The following PTPRN2 variants were observed in gnomAD, a reference collection of about 807,000 sequenced individuals.
PTPRN2 encodes the protein receptor-type tyrosine-protein phosphatase N2.
Under a neutral mutation model 118.8 loss-of-function variants are expected in PTPRN2, and 74 were observed. That is an observed-to-expected ratio of 0.62 (90% CI 0.52 to 0.76). The LOEUF is 0.76. PTPRN2 is among the 30% of genes least tolerant of loss of function. PTPRN2 has a pLI of 0.00. For missense variants in PTPRN2, 1,481 were observed against 1,394.4 expected, an observed-to-expected ratio of 1.06 and a Z score of -0.99; for synonymous variants, 641 against 608.0, an observed-to-expected ratio of 1.05 and a Z score of -0.80.
intron 12 of PTPRN2, among the ~76,000 whole-genome samples, chr7:157,752,591 C>T (rs932421248): frequency 2.0e-5 from 3 of 152,240 alleles, no homozygotes; most frequent in Admixed American, 6.5e-5. Flanking sequence ...CCATCCTCGT[C>T]TTATCAAATC....
At chr7:158,257,302 G>C (rs1287130746) in intron 3 of PTPRN2, among the ~76,000 whole-genome samples, 2 of 150,052 alleles carry the variant, frequency 1.3e-5, no homozygotes, top group Non-Finnish European at 3.0e-5. Flanking sequence ...TTCTGGGGTA[G>C]GATCCTTCCT....
At chr7:157,637,983 T>C (rs1016095890) in intron 14 of PTPRN2, among the ~76,000 whole-genome samples, 4 of 152,254 alleles carry the variant, frequency 2.6e-5, no homozygotes, top group Admixed American at 6.5e-5. Flanking sequence ...CACTGAATTC[T>C]ATAGCACCTT....
intron 2 of PTPRN2, among the ~76,000 whole-genome samples, chr7:158,331,178 GCT>G (rs1804344255): frequency 7.7e-6 from 1 of 130,262 alleles, no homozygotes; most frequent in Non-Finnish European, 1.6e-5. Flanking sequence ...CACCAGAAGA[GCT>G]GTCACACGCA....
chr7:158,054,171 G>A (rs1454718868), intron 11 of PTPRN2, among the ~76,000 whole-genome samples: 1 of 152,172 alleles, frequency 6.6e-6, no homozygotes, highest in African/African-American at 2.4e-5. Context: ...TGACACACAG[G>A]TTTCGGCTAA....
intron 11 of PTPRN2, among the ~76,000 whole-genome samples, chr7:158,034,125 C>T (rs1165357793): frequency 6.6e-6 from 1 of 151,844 alleles, no homozygotes; most frequent in African/African-American, 2.4e-5. Flanking sequence ...GTGTGGCTGG[C>T]TGCACACTGA....
intron 3 of PTPRN2, among the ~76,000 whole-genome samples, chr7:158,301,568 G>A (rs1563106006): frequency 6.6e-6 from 1 of 152,198 alleles, no homozygotes; most frequent in Non-Finnish European, 1.5e-5. Flanking sequence ...CATTAGGGAA[G>A]CTTCTACCAC....
intron 11 of PTPRN2, among the ~76,000 whole-genome samples, chr7:157,922,737 T>G (rs4716808): frequency 6.6e-6 from 1 of 152,044 alleles, no homozygotes; most frequent in Non-Finnish European, 1.5e-5. Context: ...GCAAGCTCGA[T>G]GTCACGGCAC....
At chr7:157,548,921 G>A (rs764162440) in intron 22 of PTPRN2, 25 bp downstream of exon 22, 19 of 1,609,124 alleles carry the variant, frequency 1.2e-5, no homozygotes, top group South Asian at 9.9e-5. Context: ...ATGGGTCTGC[G>A]TCCCGGAGGA....
intron 2 of PTPRN2, among the ~76,000 whole-genome samples, chr7:158,376,342 G>T (rs7797886): frequency 6.7e-6 from 1 of 149,568 alleles, no homozygotes; most frequent in Admixed American, 6.6e-5. Context: ...CGTCCTGCAC[G>T]TGGGGTTAGG....
At chr7:157,625,316 T>C (rs771889751) in intron 14 of PTPRN2, among the ~76,000 whole-genome samples, 5 of 152,254 alleles carry the variant, frequency 3.3e-5, no homozygotes, top group Non-Finnish European at 7.3e-5. Context: ...AGCTATAAAA[T>C]TGTGGAACAA....
intron 21 of PTPRN2, among the ~76,000 whole-genome samples, chr7:157,564,184 C>G (rs549241955): frequency 3.4e-4 from 52 of 152,238 alleles, no homozygotes; most frequent in African/African-American, 1.2e-3. Flanking sequence ...CAGGCTGGAG[C>G]GCAATGGTGC....
intron 2 of PTPRN2, among the ~76,000 whole-genome samples, chr7:158,478,751 C>T (rs1259523950): frequency 6.6e-6 from 1 of 152,010 alleles, no homozygotes; most frequent in Non-Finnish European, 1.5e-5. Flanking sequence ...GACTTGTGTA[C>T]ACGCCGTACA....
intron 1 of PTPRN2, among the ~76,000 whole-genome samples, chr7:158,579,189 G>A (rs528456171): frequency 2.0e-5 from 3 of 152,332 alleles, no homozygotes; most frequent in African/African-American, 4.8e-5. Context: ...CCTTATTGAT[G>A]TAACCTGTTT....
At chr7:158,469,145 GA>G (rs1819658178) in intron 2 of PTPRN2, among the ~76,000 whole-genome samples, 1 of 148,300 alleles carries the variant, frequency 6.7e-6, no homozygotes, top group African/African-American at 2.5e-5. Flanking sequence ...CTGAGGAAAG[GA>G]AAACACTGTT....
intron 2 of PTPRN2, among the ~76,000 whole-genome samples, chr7:158,428,414 C>T (rs764065349): frequency 2.0e-5 from 3 of 152,088 alleles, no homozygotes; most frequent in African/African-American, 7.2e-5. Flanking sequence ...TGTGTGCCAC[C>T]GCACAGAAAC....
chr7:158,560,758 G>A (rs1445206659), intron 1 of PTPRN2, among the ~76,000 whole-genome samples: 1 of 152,238 alleles, frequency 6.6e-6, no homozygotes, highest in African/African-American at 2.4e-5. Flanking sequence ...TTAAGTTAGA[G>A]CCAAAGATAT....
At chr7:158,041,754 G>A (rs1441321798) in intron 11 of PTPRN2, among the ~76,000 whole-genome samples, 1 of 152,182 alleles carries the variant, frequency 6.6e-6, no homozygotes, top group East Asian at 1.9e-4. Flanking sequence ...AGAGAAACCT[G>A]CGTGCTTGGG....
chr7:157,579,925 A>T (rs1800260023), intron 17 of PTPRN2, among the ~76,000 whole-genome samples: 1 of 152,256 alleles, frequency 6.6e-6, no homozygotes, highest in South Asian at 2.1e-4. Context: ...AACTCAATCG[A>T]GGAGGAAAAC....
At chr7:158,429,555 G>A (rs138103289) in intron 2 of PTPRN2, among the ~76,000 whole-genome samples, 15 of 152,254 alleles carry the variant, frequency 9.9e-5, no homozygotes, top group African/African-American at 2.6e-4. Flanking sequence ...CCTCATTCCC[G>A]GCCTGGGAGA....
Sources: gnomAD v4.1 joint callset for allele counts (sites outside exome capture counted in the v4.1 genomes callset) on GRCh38, gnomAD v4.1.1 for gene constraint, MANE v1.5 for transcripts, NCBI Gene and HGNC (gene_info 2026-07-23, HGNC 2026-07-21) for gene names.